MAPKAP1: variants seen among roughly 807,000 people sequenced by gnomAD.
MAPKAP1 encodes the protein MAPK associated protein 1.
Under a neutral mutation model 65.7 loss-of-function variants are expected in MAPKAP1, and 20 were observed. The ratio of observed to expected loss-of-function variants is 0.30; its 90% CI spans 0.21 to 0.44. The LOEUF is 0.44. Ranked by LOEUF, MAPKAP1 falls within the 20% of genes least tolerant of loss-of-function variation. The pLI is 1.00. For synonymous variants in MAPKAP1, 222 were observed against 244.3 expected, an observed-to-expected ratio of 0.91 and a Z score of 0.85; for missense variants, 423 against 648.0, an observed-to-expected ratio of 0.65 and a Z score of 3.77.
At chr9:125,522,529 G>A (rs1829649790) in intron 7 of MAPKAP1, among the ~76,000 whole-genome samples, 1 of 152,168 alleles carries the variant, frequency 6.6e-6, no homozygotes, top group Non-Finnish European at 1.5e-5. Flanking sequence ...CTTCCCCCTT[G>A]TTGATGACAT....
intron 1 of MAPKAP1, among the ~76,000 whole-genome samples, chr9:125,704,555 T>C (rs1372615669): frequency 1.3e-5 from 2 of 152,142 alleles, no homozygotes; most frequent in Non-Finnish European, 2.9e-5. Flanking sequence ...ATCCCCAAGG[T>C]CTAACATTTT....
At chr9:125,647,603 C>T (rs1046295639) in intron 4 of MAPKAP1, among the ~76,000 whole-genome samples, 2 of 152,196 alleles carry the variant, frequency 1.3e-5, no homozygotes, top group African/African-American at 4.8e-5. Flanking sequence ...TGTCATGGAC[C>T]ACTGTCACAG....
intron 7 of MAPKAP1, among the ~76,000 whole-genome samples, chr9:125,516,490 T>C (rs571069195): frequency 2.0e-5 from 3 of 152,336 alleles, no homozygotes; most frequent in East Asian, 1.9e-4. Flanking sequence ...CTACTTATGA[T>C]TAGGGAAAGA....
At chr9:125,515,463 T>C (rs10986783) in intron 7 of MAPKAP1, among the ~76,000 whole-genome samples, 7,070 of 152,264 alleles carry the variant, frequency 0.046, 280 homozygotes, top group East Asian at 0.14. Flanking sequence ...AAAGATAAGA[T>C]TGGAAACGAA....
At chr9:125,604,228 G>A (rs1832383326) in intron 4 of MAPKAP1, among the ~76,000 whole-genome samples, 1 of 152,148 alleles carries the variant, frequency 6.6e-6, no homozygotes, top group South Asian at 2.1e-4. Flanking sequence ...AACAAAGTAT[G>A]AATATTTAAA....
chr9:125,592,732 G>A lies in MAPKAP1; in HGVS notation c.499-7005C>T, dbSNP rs139003784. On this transcript the variant is annotated intron_variant, in intron 4 of 11. Coordinates refer to ENST00000265960, the MANE Select transcript of MAPKAP1 (RefSeq NM_001006617.3). ...ATCTTGGCTAACACGGTGAAACCCC[G>A]TCCTACTAAAAATACAAAAAATTAG... Among the ~76,000 whole-genome samples, 920 of 149,772 alleles carry A rather than the reference G, an allele frequency of 6.1e-3. 11 individuals carry two copies. Among genetic ancestry groups the A allele is most frequent in the African/African-American group, 0.021 (853 of 40,792 alleles).
intron 3 of MAPKAP1, among the ~76,000 whole-genome samples, chr9:125,662,367 G>A (rs963989219): frequency 1.3e-5 from 2 of 152,176 alleles, no homozygotes; most frequent in African/African-American, 4.8e-5. Flanking sequence ...CGGTGAGAGT[G>A]CAAGACCCTG....
At chr9:125,633,707 AATAAC>A (rs1833350960) in intron 4 of MAPKAP1, among the ~76,000 whole-genome samples, 1 of 152,242 alleles carries the variant, frequency 6.6e-6, no homozygotes, top group Non-Finnish European at 1.5e-5. Flanking sequence ...ATAGAATATG[AATAAC>A]ATAACTAACT....
intron 6 of MAPKAP1, among the ~76,000 whole-genome samples, chr9:125,550,239 T>C (rs1194511618): frequency 2.0e-5 from 3 of 152,122 alleles, no homozygotes; most frequent in Admixed American, 6.5e-5. Context: ...AAGACTGACA[T>C]TGTATTAATA....
At chr9:125,446,115 T>C (rs1046968415) in intron 10 of MAPKAP1, among the ~76,000 whole-genome samples, 3 of 152,206 alleles carry the variant, frequency 2.0e-5, no homozygotes, top group Non-Finnish European at 2.9e-5. Flanking sequence ...CATATTACTG[T>C]AAGTTCACCT....
At chr9:125,517,026 C>T (rs1829480886) in intron 7 of MAPKAP1, among the ~76,000 whole-genome samples, 1 of 152,130 alleles carries the variant, frequency 6.6e-6, no homozygotes, top group African/African-American at 2.4e-5. Context: ...TGCGGTAGGC[C>T]CTACAATAAT....
chr9:125,573,397 G>A (rs1831299077), intron 5 of MAPKAP1, among the ~76,000 whole-genome samples: 1 of 152,080 alleles, frequency 6.6e-6, no homozygotes, highest in African/African-American at 2.4e-5. Context: ...CAAATGCCAT[G>A]GCAACATCAG....
chr9:125,480,699 G>A (rs1033632901), intron 9 of MAPKAP1, among the ~76,000 whole-genome samples: 2 of 150,754 alleles, frequency 1.3e-5, no homozygotes, highest in Non-Finnish European at 1.5e-5. Context: ...TGGGCCGGGC[G>A]CGGTGGCTCA....
chr9:125,695,035 G>A (rs559953212), intron 1 of MAPKAP1, among the ~76,000 whole-genome samples: 6 of 152,320 alleles, frequency 3.9e-5, no homozygotes, highest in South Asian at 2.1e-4. Context: ...TACCAACAAT[G>A]TGAATTCTTA....
intron 10 of MAPKAP1, among the ~76,000 whole-genome samples, chr9:125,466,622 A>G (rs1372366241): frequency 6.6e-6 from 1 of 152,188 alleles, no homozygotes; most frequent in African/African-American, 2.4e-5. Context: ...GAAGATGTTT[A>G]TCCAAAGGCA....
intron 5 of MAPKAP1, among the ~76,000 whole-genome samples, chr9:125,574,337 C>T (rs1831327941): frequency 6.6e-6 from 1 of 152,168 alleles, no homozygotes; most frequent in Non-Finnish European, 1.5e-5. Flanking sequence ...AGCAAAAGCA[C>T]TTATGGTATT....
Position 125,664,947 on chromosome 9 carries a change from G to A in MAPKAP1, c.349+4871C>T, listed in dbSNP as rs572472379. Among the ~76,000 whole-genome samples the A allele has an allele frequency of 1.9e-4, 29 of 152,074 alleles. No individual in the cohort carries two copies. In the East Asian group the frequency reaches 4.3e-3, roughly 22 times the overall value. The stretch of plus-strand genomic sequence containing the variant: ...AACTTGGGAAAGTTATTTGGCCTCT[G>A]AGCACCAGTTTTCTCACCTGTAAAA... On this transcript the variant is annotated intron_variant, in intron 3 of 11. Coordinates refer to ENST00000265960, the MANE Select transcript of MAPKAP1 (RefSeq NM_001006617.3).
chr9:125,668,405 A>G (rs1377405352), intron 3 of MAPKAP1, among the ~76,000 whole-genome samples: 2 of 152,232 alleles, frequency 1.3e-5, no homozygotes, highest in East Asian at 3.8e-4. Flanking sequence ...AGAGGCTGCT[A>G]TTAGTATAAT....
At chr9:125,563,878 A>G (rs1315323908) in intron 5 of MAPKAP1, among the ~76,000 whole-genome samples, 1 of 152,022 alleles carries the variant, frequency 6.6e-6, no homozygotes, top group Non-Finnish European at 1.5e-5. Context: ...ACACCTGGCT[A>G]ATTTTTGTAT....
Sources: allele counts gnomAD v4.1 joint callset (sites outside exome capture counted in the v4.1 genomes callset), GRCh38; gene constraint gnomAD v4.1.1; transcripts MANE v1.5; gene names NCBI Gene and HGNC (gene_info 2026-07-23, HGNC 2026-07-21).